SLC14A2: variants seen among roughly 807,000 people sequenced by gnomAD.
The protein encoded by SLC14A2 is urea transporter 2.
A neutral mutation model predicts 104.6 loss-of-function variants in SLC14A2; 91 were observed. That is an observed-to-expected ratio of 0.87 (90% CI 0.73 to 1.04). The LOEUF is 1.04. Ranked by LOEUF, SLC14A2 falls within the 50% of genes least tolerant of loss-of-function variation. SLC14A2 has a pLI of 0.00. For missense variants in SLC14A2, 1,189 were observed against 1,156.0 expected (o/e 1.03, Z -0.41); for synonymous variants, 476 against 466.4 (o/e 1.02, Z -0.27).
At chr18:45,569,305 T>A (rs1281218473) in intron 2 of SLC14A2, among the ~76,000 whole-genome samples, 1 of 152,238 alleles carries the variant, frequency 6.6e-6, no homozygotes, top group East Asian at 1.9e-4. Flanking sequence ...CAATAGCCTA[T>A]AAATGCTCTC....
At chr18:45,400,756 T>C (rs1279735582) in intron 1 of SLC14A2, among the ~76,000 whole-genome samples, 1 of 152,172 alleles carries the variant, frequency 6.6e-6, no homozygotes, top group Non-Finnish European at 1.5e-5. Flanking sequence ...AGAGCTTTAT[T>C]TTCTCCCCAT....
chr18:45,177,712 T>C, the SLC14A2 span, among the ~76,000 whole-genome samples: 1 of 152,224 alleles, frequency 6.6e-6, no homozygotes, highest in African/African-American at 2.4e-5. Context: ...TATATATTTG[T>C]GGGATTATTT....
At chr18:45,451,478 GAATTA>G (rs1179244909) in intron 1 of SLC14A2, among the ~76,000 whole-genome samples, 2 of 152,040 alleles carry the variant, frequency 1.3e-5, no homozygotes, top group Admixed American at 1.3e-4. Flanking sequence ...AAAAAGCTTA[GAATTA>G]AATTAGAATT....
Position 45,281,813 on chromosome 18 carries a change from T to C in SLC14A2, c.-125+68622T>C, listed in dbSNP as rs150439770. Among the ~76,000 whole-genome samples the C allele has an allele frequency of 4.6e-5, 7 of 152,266 alleles. No homozygotes were observed. The East Asian group carries it at 1.4e-3, about 29-fold the overall frequency. ...TGTGAAACACTTCTAGGTCTAATCATACCACTGCCATGCAGCTGAGAGTGT... is the reference window on the plus strand; with the variant it reads ...TGTGAAACACTTCTAGGTCTAATCACACCACTGCCATGCAGCTGAGAGTGT... On this transcript the variant is annotated intron_variant, in intron 1 of 20. Transcript: ENST00000586448.
chr18:45,394,921 A>G (rs996303843), intron 1 of SLC14A2, among the ~76,000 whole-genome samples: 2 of 152,192 alleles, frequency 1.3e-5, no homozygotes, highest in East Asian at 1.9e-4. Context: ...AGGCTCCTCA[A>G]AAAAATTAAG....
chr18:45,524,053 T>C (rs1206828900), intron 2 of SLC14A2, among the ~76,000 whole-genome samples: 2 of 152,262 alleles, frequency 1.3e-5, no homozygotes, highest in Non-Finnish European at 2.9e-5. Flanking sequence ...TACTCTGGGC[T>C]GCCTCTAATA....
At chr18:45,405,416 G>A (rs144201647) in intron 1 of SLC14A2, among the ~76,000 whole-genome samples, 5 of 152,176 alleles carry the variant, frequency 3.3e-5, no homozygotes, top group African/African-American at 1.2e-4. Flanking sequence ...AGGAGGAACA[G>A]AGGAACCAAA....
chr18:45,281,898 A>G (rs2084766468), intron 1 of SLC14A2, among the ~76,000 whole-genome samples: 1 of 152,188 alleles, frequency 6.6e-6, no homozygotes, highest in African/African-American at 2.4e-5. Flanking sequence ...TCAGTGGCTC[A>G]GTCTCTCACC....
rs148110881 is a variant in SLC14A2, at chr18:45,600,012, G to C, written c.-34-24619G>C. ...AGGATGAGATTTGGGTGGGGACACAGACAAACAATATCAGAGCCCTTCTCA... is the reference window on the plus strand; with the variant it reads ...AGGATGAGATTTGGGTGGGGACACACACAAACAATATCAGAGCCCTTCTCA... On this transcript the variant is annotated intron_variant, in intron 2 of 20. Transcript: ENST00000586448. Among the ~76,000 whole-genome samples, 29 of 152,140 alleles carry C rather than the reference G, an allele frequency of 1.9e-4. No homozygotes were observed. The East Asian group carries it at 5.4e-3, about 29-fold the overall frequency.
intron 1 of SLC14A2, among the ~76,000 whole-genome samples, chr18:45,274,570 G>A (rs889890883): frequency 6.6e-6 from 1 of 152,174 alleles, no homozygotes; most frequent in African/African-American, 2.4e-5. Context: ...TGTTCTTTGA[G>A]TTACTCACAG....
chr18:45,261,283 G>A (rs529010806), intron 1 of SLC14A2, among the ~76,000 whole-genome samples: 6 of 151,590 alleles, frequency 4.0e-5, no homozygotes, highest in South Asian at 4.2e-4. Flanking sequence ...TTGTCCTTGC[G>A]ATAGTTTGCT....
At chr18:45,478,449 T>C (rs2087427232) in intron 1 of SLC14A2, among the ~76,000 whole-genome samples, 1 of 152,228 alleles carries the variant, frequency 6.6e-6, no homozygotes, top group Non-Finnish European at 1.5e-5. Context: ...CCAGCCACTG[T>C]CTATGATAGT....
At chr18:45,378,072 T>A (rs2144371877) in intron 1 of SLC14A2, among the ~76,000 whole-genome samples, 1 of 152,344 alleles carries the variant, frequency 6.6e-6, no homozygotes, top group South Asian at 2.1e-4. Flanking sequence ...GAAACCAGTG[T>A]AATCTCTATC....
chr18:45,416,373 C>T (rs988409096), intron 1 of SLC14A2, among the ~76,000 whole-genome samples: 1 of 151,542 alleles, frequency 6.6e-6, no homozygotes, highest in South Asian at 2.1e-4. Context: ...GTCATGTGAG[C>T]GTTTATCACA....
intron 1 of SLC14A2, among the ~76,000 whole-genome samples, chr18:45,354,338 G>C (rs2085530831): frequency 6.6e-6 from 1 of 152,210 alleles, no homozygotes; most frequent in South Asian, 2.1e-4. Context: ...ATTTCTGAGA[G>C]ACCTTGAGAA....
intron 1 of SLC14A2, among the ~76,000 whole-genome samples, chr18:45,412,054 T>A (rs2086221166): frequency 6.6e-6 from 1 of 152,172 alleles, no homozygotes; most frequent in African/African-American, 2.4e-5. Flanking sequence ...TCTCCCCAAA[T>A]GAAGCATATG....
At chr18:45,391,628 T>C (rs927180173) in intron 1 of SLC14A2, among the ~76,000 whole-genome samples, 16 of 152,234 alleles carry the variant, frequency 1.1e-4, no homozygotes, top group East Asian at 1.9e-4. Flanking sequence ...CTAACTGGTG[T>C]GAGATGGTAT....
chr18:45,224,324 A>G (rs1480632669), intron 1 of SLC14A2, among the ~76,000 whole-genome samples: 1 of 152,220 alleles, frequency 6.6e-6, no homozygotes, highest in African/African-American at 2.4e-5. Context: ...AAACTGATGG[A>G]CAGAATGGGA....
intron 19 of SLC14A2, among the ~76,000 whole-genome samples, chr18:45,680,529 G>A (rs974020728): frequency 2.0e-5 from 3 of 152,180 alleles, no homozygotes; most frequent in Non-Finnish European, 4.4e-5. Flanking sequence ...TGACATTTAT[G>A]GGACCATCCA....
Sources: gnomAD v4.1 joint callset for allele counts (sites outside exome capture counted in the v4.1 genomes callset) on GRCh38, gnomAD v4.1.1 for gene constraint, MANE v1.5 for transcripts, NCBI Gene and HGNC (gene_info 2026-07-23, HGNC 2026-07-21) for gene names.